The following PTPRD variants were observed in gnomAD, a reference collection of about 807,000 sequenced individuals.
PTPRD encodes receptor-type tyrosine-protein phosphatase delta.
Under a neutral mutation model 214.5 loss-of-function variants are expected in PTPRD, and 34 were observed. The ratio of observed to expected loss-of-function variants is 0.16; its 90% CI spans 0.12 to 0.21. The LOEUF is 0.21. Ranked by LOEUF, PTPRD falls within the 10% of genes least tolerant of loss-of-function variation. The pLI is 1.00. For missense variants in PTPRD, 2,545 were observed against 2,398.7 expected (o/e 1.06, Z -1.27); for synonymous variants, 1,128 against 845.7 (o/e 1.33, Z -5.79).
intron 9 of PTPRD, among the ~76,000 whole-genome samples, chr9:9,382,624 TG>T (rs943536118): frequency 3.9e-5 from 6 of 152,076 alleles, no homozygotes; most frequent in African/African-American, 1.4e-4. Flanking sequence ...TCTGTTAGGA[TG>T]GTTTTATTGA....
At chr9:9,441,711 C>A (rs1430448483) in intron 8 of PTPRD, among the ~76,000 whole-genome samples, 1 of 151,966 alleles carries the variant, frequency 6.6e-6, no homozygotes, top group Non-Finnish European at 1.5e-5. Context: ...AAAAAAAAAT[C>A]CACTTTTCCA....
chr9:9,644,743 C>T (rs1309960366), intron 7 of PTPRD, among the ~76,000 whole-genome samples: 1 of 152,144 alleles, frequency 6.6e-6, no homozygotes, highest in African/African-American at 2.4e-5. Context: ...CCAATCCCCA[C>T]ATCCTGTACC....
intron 5 of PTPRD, among the ~76,000 whole-genome samples, chr9:9,793,449 A>G (rs568181816): frequency 5.3e-4 from 81 of 152,258 alleles, no homozygotes; most frequent in South Asian, 5.2e-3. Context: ...ATGCCCACAC[A>G]TATGTATATG....
At chr9:9,825,560 C>G (rs1037157225) in intron 5 of PTPRD, among the ~76,000 whole-genome samples, 1 of 151,910 alleles carries the variant, frequency 6.6e-6, no homozygotes, top group Non-Finnish European at 1.5e-5. Flanking sequence ...GACTTTTAAC[C>G]ATTACTTAGC....
intron 3 of PTPRD, among the ~76,000 whole-genome samples, chr9:10,201,756 T>A (rs1029523011): frequency 3.3e-5 from 5 of 152,102 alleles, no homozygotes; most frequent in Non-Finnish European, 5.9e-5. Flanking sequence ...CATCACATTG[T>A]ATCCCATGAA....
intron 11 of PTPRD, among the ~76,000 whole-genome samples, chr9:8,910,012 T>G (rs1291569809): frequency 6.6e-6 from 1 of 151,734 alleles, no homozygotes; most frequent in Admixed American, 6.6e-5. Context: ...CTCCAAAACT[T>G]ATGTAGAAAT....
intron 44 of PTPRD, among the ~76,000 whole-genome samples, chr9:8,321,493 A>ATATATATATG (rs1827841237): frequency 1.4e-5 from 1 of 70,574 alleles, no homozygotes; most frequent in African/African-American, 1.0e-4. Context: ...GTGTGTATAT[A>ATATATATATG]TATATATATA....
chr9:9,714,342 T>C (rs116052652), intron 7 of PTPRD, among the ~76,000 whole-genome samples: 267 of 152,306 alleles, frequency 1.8e-3, no homozygotes, highest in African/African-American at 6.1e-3. Context: ...AAAGACAAAC[T>C]GAAATCTGCA....
intron 5 of PTPRD, among the ~76,000 whole-genome samples, chr9:9,892,780 G>T (rs1043627693): frequency 2.6e-5 from 4 of 151,744 alleles, no homozygotes; most frequent in Non-Finnish European, 5.9e-5. Context: ...CAGGGAAATA[G>T]CAATGGAAAG....
chr9:8,363,716 G>A (rs918063542), intron 39 of PTPRD, among the ~76,000 whole-genome samples: 2 of 152,182 alleles, frequency 1.3e-5, no homozygotes, highest in African/African-American at 4.8e-5. Flanking sequence ...GGGCTCAAAA[G>A]TTTGATGGGA....
At chr9:8,605,479 CAA>C (rs1462815947) in intron 14 of PTPRD, among the ~76,000 whole-genome samples, 1 of 152,090 alleles carries the variant, frequency 6.6e-6, no homozygotes, top group Non-Finnish European at 1.5e-5. Flanking sequence ...TTTCATTTCA[CAA>C]AAGAGAAGAG....
chr9:9,463,343 C>T (rs959975838), intron 8 of PTPRD, among the ~76,000 whole-genome samples: 4 of 152,024 alleles, frequency 2.6e-5, no homozygotes, highest in African/African-American at 9.7e-5. Context: ...AATCTAGACT[C>T]CTTCACTACT....
chr9:9,897,403 G>A (rs536527805), intron 5 of PTPRD, among the ~76,000 whole-genome samples: 26 of 151,892 alleles, frequency 1.7e-4, no homozygotes, highest in African/African-American at 4.6e-4. Context: ...TAGGATTTTT[G>A]TAAGTAAAAA....
rs117076633 is a variant in PTPRD at position 9,891,194 on chromosome 9, C to G, written c.-368+47313G>C. On this transcript the variant is annotated intron_variant, in intron 5 of 45. Transcript: ENST00000381196. ...CACAGTTATGTATACATCTCCTGTT[C>G]TCTTCTCCCATCCAACTCAGATTTA... Among the ~76,000 whole-genome samples the G allele has an allele frequency of 3.9e-5, 6 of 152,224 alleles. No homozygotes were observed. In the East Asian group the frequency reaches 1.2e-3, roughly 29 times the overall value.
chr9:8,612,618 C>T (rs1358683124), intron 14 of PTPRD, among the ~76,000 whole-genome samples: 1 of 152,194 alleles, frequency 6.6e-6, no homozygotes, highest in African/African-American at 2.4e-5. Context: ...AATCCACATG[C>T]TTCGAACTTG....
chr9:10,278,692 T>C (rs756840535), intron 3 of PTPRD, among the ~76,000 whole-genome samples: 1 of 152,150 alleles, frequency 6.6e-6, no homozygotes, highest in East Asian at 1.9e-4. Context: ...TCGAAGATAA[T>C]GATTTTTATG....
At chr9:8,905,756 T>G (rs1342728926) in intron 11 of PTPRD, among the ~76,000 whole-genome samples, 58 of 122,556 alleles carry the variant, frequency 4.7e-4, no homozygotes, top group Admixed American at 4.2e-3. Flanking sequence ...AAAAAAAAAA[T>G]GGAGAGAGAG....
intron 30 of PTPRD, among the ~76,000 whole-genome samples, chr9:8,474,878 T>C (rs924394014): frequency 6.6e-6 from 1 of 151,870 alleles, no homozygotes; most frequent in African/African-American, 2.4e-5. Context: ...CCATTAACTA[T>C]TTCTTGAATT....
intron 3 of PTPRD, among the ~76,000 whole-genome samples, chr9:10,040,833 C>G (rs139783012): frequency 1.6e-3 from 238 of 152,130 alleles, no homozygotes; most frequent in African/African-American, 5.3e-3. Flanking sequence ...GTTCTTCCAT[C>G]TCAGTTTCAC....
Sources: gnomAD v4.1 joint callset for allele counts (sites outside exome capture counted in the v4.1 genomes callset) on GRCh38, gnomAD v4.1.1 for gene constraint, MANE v1.5 for transcripts, NCBI Gene and HGNC (gene_info 2026-07-23, HGNC 2026-07-21) for gene names.